TRPC4: variants seen among roughly 807,000 people sequenced by gnomAD.
TRPC4 encodes the protein transient receptor potential cation channel subfamily C member 4.
TRPC4 carries 49 observed loss-of-function variants against 99.4 expected under a neutral mutation model. The observed-to-expected ratio is 0.49, with a 90% CI of 0.39 to 0.63. The LOEUF (loss-of-function observed/expected upper bound fraction) is 0.63. TRPC4 is among the 20% of genes least tolerant of loss of function. TRPC4 has a pLI of 0.00. For synonymous variants in TRPC4, 454 were observed against 425.9 expected, an observed-to-expected ratio of 1.07 and a Z score of -0.81; for missense variants, 898 against 1,152.9, an observed-to-expected ratio of 0.78 and a Z score of 3.20.
intron 1 of TRPC4, among the ~76,000 whole-genome samples, chr13:37,847,194 G>C (rs1386631726): frequency 6.6e-6 from 1 of 152,032 alleles, no homozygotes; most frequent in Non-Finnish European, 1.5e-5. Flanking sequence ...ACACGTACCT[G>C]ACAGAAATAT....
rs774793539 is a variant in TRPC4, at chr13:37,783,356, C to T, written c.-23G>A. The T allele has an allele frequency of 6.6e-6, 10 of 1,513,164 alleles. No homozygotes were observed. In the East Asian group the frequency reaches 1.1e-4, roughly 17 times the overall value. 93.7% of individuals were successfully genotyped at this position (1,513,164 alleles called of 1,614,324 possible). Reference sequence around the variant, plus strand: ...CATGTTTCATGCCATGCTATTTCTTCGTCTCTGAAAGTAGAAACAAAAAAC... The same window carrying T: ...CATGTTTCATGCCATGCTATTTCTTTGTCTCTGAAAGTAGAAACAAAAAAC... On this transcript the variant is annotated 5_prime_UTR_variant, in exon 2 of 11. Coordinates refer to ENST00000379705, the MANE Select transcript of TRPC4 (RefSeq NM_016179.4).
intron 3 of TRPC4, among the ~76,000 whole-genome samples, chr13:37,730,652 T>C (rs534725029): frequency 6.6e-6 from 1 of 152,068 alleles, no homozygotes; most frequent in East Asian, 1.9e-4. Context: ...GCAACCTTGA[T>C]CTCTCTGAAG....
chr13:37,724,394 A>G (rs910608094), intron 3 of TRPC4, among the ~76,000 whole-genome samples: 26 of 152,228 alleles, frequency 1.7e-4, no homozygotes, highest in Admixed American at 5.2e-4. Flanking sequence ...GCAATGAATT[A>G]GAAATGGTAA....
At chr13:37,662,619 G>A (rs1187699885) in intron 6 of TRPC4, among the ~76,000 whole-genome samples, 1 of 152,164 alleles carries the variant, frequency 6.6e-6, no homozygotes, top group African/African-American at 2.4e-5. Context: ...GACTTTTAAA[G>A]TCACCTACAA....
intron 2 of TRPC4, among the ~76,000 whole-genome samples, chr13:37,773,789 G>T (rs376723934): frequency 6.6e-6 from 1 of 151,672 alleles, no homozygotes; most frequent in Non-Finnish European, 1.5e-5. Context: ...GTGACCTAAG[G>T]TGACTAGGGT....
intron 1 of TRPC4, among the ~76,000 whole-genome samples, chr13:37,786,230 A>C (rs1331218384): frequency 6.6e-6 from 1 of 151,908 alleles, no homozygotes; most frequent in Non-Finnish European, 1.5e-5. Flanking sequence ...ATGTAAATAG[A>C]TTTAATAAAT....
At chr13:37,867,395 G>C (rs893538520) in intron 1 of TRPC4, among the ~76,000 whole-genome samples, 4 of 151,770 alleles carry the variant, frequency 2.6e-5, no homozygotes, top group Admixed American at 2.0e-4. Flanking sequence ...AATAATCCTG[G>C]CAATTAAACA....
intron 2 of TRPC4, 76 bp downstream of exon 2, chr13:37,782,880 A>T (rs1404577142): frequency 1.5e-6 from 2 of 1,305,436 alleles, no homozygotes; most frequent in African/African-American, 1.6e-5. Context: ...AATCTAAAAA[A>T]AAAAAAAGAA....
chr13:37,781,042 A>G (rs887598714), intron 2 of TRPC4, among the ~76,000 whole-genome samples: 2 of 151,970 alleles, frequency 1.3e-5, no homozygotes, highest in African/African-American at 4.8e-5. Flanking sequence ...AGGAGCCAGG[A>G]CCTACTTGTG....
chr13:37,808,392 T>C (rs1957585902), intron 1 of TRPC4, among the ~76,000 whole-genome samples: 1 of 152,072 alleles, frequency 6.6e-6, no homozygotes, highest in Admixed American at 6.6e-5. Context: ...TATCCCACGT[T>C]AATGATTAAG....
At chr13:37,649,194 C>T (rs886780877) in intron 8 of TRPC4, among the ~76,000 whole-genome samples, 3 of 152,106 alleles carry the variant, frequency 2.0e-5, no homozygotes, top group Admixed American at 6.5e-5. Flanking sequence ...GTCTGGCTTC[C>T]TTGAAATCTT....
intron 2 of TRPC4, among the ~76,000 whole-genome samples, chr13:37,759,311 AT>A (rs1299577616): frequency 4.0e-5 from 6 of 151,634 alleles, no homozygotes; most frequent in Non-Finnish European, 7.4e-5. Flanking sequence ...AGGCAACAAA[AT>A]TTTTTTTGTC....
intron 1 of TRPC4, among the ~76,000 whole-genome samples, chr13:37,852,780 T>G (rs1232102151): frequency 3.9e-5 from 6 of 152,106 alleles, no homozygotes; most frequent in Non-Finnish European, 8.8e-5. Context: ...ACAAGCTGTC[T>G]GAAGAACTCT....
intron 4 of TRPC4, among the ~76,000 whole-genome samples, chr13:37,674,969 C>T (rs1359375913): frequency 2.0e-5 from 3 of 151,962 alleles, no homozygotes; most frequent in African/African-American, 7.3e-5. Flanking sequence ...GAAGTACTTA[C>T]AAAATATTAG....
rs201701853 is a variant in TRPC4 at position 37,663,763 on chromosome 13, A to G, written c.1375-34T>C. ...AACAGAGAAACAAAGGGAAAGTAAA[A>G]CAAACACACGCATATAAATAGATCA... On this transcript the variant is annotated intron_variant, in intron 5 of 10. Transcript: ENST00000379705. 6.2e-5 allele frequency: 96 copies of G among 1,547,004 alleles called. No homozygotes were observed. The East Asian group carries it at 1.3e-3, about 20-fold the overall frequency.
At chr13:37,720,215 A>G (rs1351656420) in intron 3 of TRPC4, among the ~76,000 whole-genome samples, 1 of 152,226 alleles carries the variant, frequency 6.6e-6, no homozygotes. Context: ...ATAAAATAAT[A>G]AAGTTGTGTT....
In TRPC4 at chr13:37,782,992, C is replaced by A; in HGVS notation, c.342G>T (p.Leu114=). ...IRKEVVGAVE[L]LLNHKKPSGE... ...CACTAGGTTTTTTGTGGTTCAATAA[C>A]AGCTCAACAGCTCCGACGACTTCTT... Residue 114 remains leucine (L), a synonymous_variant, in exon 2 of 11, where the codon CTG becomes CTT. Coordinates refer to ENST00000379705, the MANE Select transcript of TRPC4 (RefSeq NM_016179.4). The A allele has an allele frequency of 6.3e-7, 1 of 1,585,224 alleles. No individual in the cohort carries two copies. Among genetic ancestry groups the A allele is most frequent in the South Asian group, 1.2e-5 (1 of 85,716 alleles).
At chr13:37,823,407 C>A (rs1291554656) in intron 1 of TRPC4, among the ~76,000 whole-genome samples, 1 of 144,560 alleles carries the variant, frequency 6.9e-6, no homozygotes, top group African/African-American at 2.5e-5. Flanking sequence ...GGTTTTAGGT[C>A]TAACGTTGAA....
chr13:37,685,992 A>C (rs180791897), intron 4 of TRPC4, among the ~76,000 whole-genome samples: 3 of 152,236 alleles, frequency 2.0e-5, no homozygotes. Flanking sequence ...CAAAAATTAA[A>C]ATATCCATTT....
Sources: gnomAD v4.1 joint callset for allele counts (sites outside exome capture counted in the v4.1 genomes callset) on GRCh38, gnomAD v4.1.1 for gene constraint, MANE v1.5 for transcripts, NCBI Gene and HGNC (gene_info 2026-07-23, HGNC 2026-07-21) for gene names.